Variants in MAML3 observed in about 807,000 individuals in gnomAD.
MAML3 encodes mastermind-like protein 3.
A neutral mutation model predicts 101.9 loss-of-function variants in MAML3; 27 were observed. The ratio of observed to expected loss-of-function variants is 0.27; its 90% CI spans 0.20 to 0.37. The LOEUF is 0.37. Among genes scored for constraint, MAML3 ranks in the 10% least tolerant of loss-of-function variants. MAML3 has a pLI of 1.00. For missense variants in MAML3, 1,316 were observed against 1,444.9 expected (o/e 0.91, Z 1.45); for synonymous variants, 501 against 555.9 (o/e 0.90, Z 1.39).
At chr4:139,751,154 A>T (rs548198991) in intron 2 of MAML3, among the ~76,000 whole-genome samples, 1 of 152,322 alleles carries the variant, frequency 6.6e-6, no homozygotes, top group South Asian at 2.1e-4. Context: ...TGCCTCTGAA[A>T]AATATCTCTC....
At chr4:139,758,806 C>T (rs978653315) in intron 2 of MAML3, among the ~76,000 whole-genome samples, 4 of 152,178 alleles carry the variant, frequency 2.6e-5, no homozygotes, top group African/African-American at 9.7e-5. Context: ...TTTCCTGGAC[C>T]AAACTAAAGT....
chr4:139,721,209 C>T (rs1339289843), intron 4 of MAML3, among the ~76,000 whole-genome samples: 1 of 152,158 alleles, frequency 6.6e-6, no homozygotes, highest in Non-Finnish European at 1.5e-5. Flanking sequence ...CCAGAGTGTC[C>T]ATACCAAGTC....
intron 1 of MAML3, among the ~76,000 whole-genome samples, chr4:139,975,977 T>C (rs1230238442): frequency 6.6e-6 from 1 of 152,230 alleles, no homozygotes; most frequent in Non-Finnish European, 1.5e-5. Context: ...AATAAAATGA[T>C]GCATAGTTTT....
intron 2 of MAML3, among the ~76,000 whole-genome samples, chr4:139,811,562 T>C (rs1463966290): frequency 1.3e-5 from 2 of 152,240 alleles, no homozygotes; most frequent in East Asian, 3.8e-4. Context: ...CAGACCCGTA[T>C]TACTATGGCA....
intron 2 of MAML3, among the ~76,000 whole-genome samples, chr4:139,816,607 G>A (rs1052835196): frequency 3.3e-5 from 5 of 152,126 alleles, no homozygotes; most frequent in African/African-American, 7.2e-5. Flanking sequence ...CCACGGCTCA[G>A]CCCTGTCTCC....
chr4:140,040,323 C>T (rs879506499), intron 1 of MAML3, among the ~76,000 whole-genome samples: 3 of 152,162 alleles, frequency 2.0e-5, no homozygotes, highest in Admixed American at 6.5e-5. Flanking sequence ...CCGTGAACTC[C>T]GGGACACATC....
chr4:139,721,316 C>A (rs1728225765), intron 4 of MAML3, among the ~76,000 whole-genome samples: 1 of 152,132 alleles, frequency 6.6e-6, no homozygotes, highest in Non-Finnish European at 1.5e-5. Context: ...CAGTAGAACA[C>A]CAGTCAACGT....
intron 1 of MAML3, 142 bp downstream of exon 1, chr4:140,152,718 G>A: frequency 7.2e-7 from 1 of 1,394,970 alleles, no homozygotes; most frequent in Non-Finnish European, 9.4e-7. Flanking sequence ...AAGAAAAGTT[G>A]ACGTTAACCC....
intron 1 of MAML3, among the ~76,000 whole-genome samples, chr4:140,081,251 A>T (rs879127867): frequency 6.9e-6 from 1 of 144,638 alleles, no homozygotes; most frequent in East Asian, 1.9e-4. Context: ...TAAACACATT[A>T]AAAAAAAAAC....
intron 2 of MAML3, among the ~76,000 whole-genome samples, chr4:139,821,735 A>G (rs115134277): frequency 0.01 from 1,531 of 152,358 alleles, 11 homozygotes; most frequent in African/African-American, 0.021. Flanking sequence ...ATGGTAGCTG[A>G]GTAACTGATA....
At chr4:140,040,804 T>C (rs989536313) in intron 1 of MAML3, among the ~76,000 whole-genome samples, 3 of 152,214 alleles carry the variant, frequency 2.0e-5, no homozygotes, top group African/African-American at 4.8e-5. Context: ...ATATTATGCA[T>C]AATAATAGTC....
chr4:139,762,853 GC>G (rs1729783714), intron 2 of MAML3, among the ~76,000 whole-genome samples: 1 of 152,224 alleles, frequency 6.6e-6, no homozygotes, highest in South Asian at 2.1e-4. Context: ...GCCAGGCACA[GC>G]CCATGGAGGA....
chr4:139,721,240 T>C (rs1361064335), intron 4 of MAML3, among the ~76,000 whole-genome samples: 2 of 152,120 alleles, frequency 1.3e-5, no homozygotes, highest in Non-Finnish European at 2.9e-5. Context: ...AATTAGGCAT[T>C]TGAGTGAGTC....
intron 2 of MAML3, among the ~76,000 whole-genome samples, chr4:139,874,643 C>T (rs890018532): frequency 6.6e-6 from 1 of 152,112 alleles, no homozygotes; most frequent in Non-Finnish European, 1.5e-5. Flanking sequence ...AACTTACACT[C>T]TCCTAGAGGA....
At chr4:140,133,325 A>T (rs922783901) in intron 1 of MAML3, among the ~76,000 whole-genome samples, 1 of 152,312 alleles carries the variant, frequency 6.6e-6, no homozygotes, top group East Asian at 1.9e-4. Context: ...GTTATGAACA[A>T]CCAGCCACTA....
chr4:139,773,124 A>C (rs1245853075), intron 2 of MAML3, among the ~76,000 whole-genome samples: 1 of 152,166 alleles, frequency 6.6e-6, no homozygotes, highest in Non-Finnish European at 1.5e-5. Context: ...GTAAAACTGA[A>C]GTCCAGAAGC....
intron 1 of MAML3, among the ~76,000 whole-genome samples, chr4:139,932,985 A>C (rs1733430953): frequency 6.6e-6 from 1 of 152,192 alleles, no homozygotes; most frequent in Non-Finnish European, 1.5e-5. Flanking sequence ...ATCTGGAAAC[A>C]CAGGGAAACA....
At chr4:139,996,261 T>A (rs193020259) in intron 1 of MAML3, among the ~76,000 whole-genome samples, 1 of 152,304 alleles carries the variant, frequency 6.6e-6, no homozygotes, top group Admixed American at 6.5e-5. Context: ...GTCAGTTAGG[T>A]TAAGCTGGTT....
chr4:139,772,155 G>C (rs1730004795), intron 2 of MAML3, among the ~76,000 whole-genome samples: 1 of 144,748 alleles, frequency 6.9e-6, no homozygotes, highest in South Asian at 2.3e-4. Context: ...CAGGAGAATG[G>C]CGTGAACCCG....
Sources: allele counts gnomAD v4.1 joint callset (sites outside exome capture counted in the v4.1 genomes callset), GRCh38; gene constraint gnomAD v4.1.1; transcripts MANE v1.5; gene names NCBI Gene and HGNC (gene_info 2026-07-23, HGNC 2026-07-21).